TESC: variants seen among roughly 807,000 people sequenced by gnomAD.
TESC encodes the protein tescalcin.
A neutral mutation model predicts 31.0 loss-of-function variants in TESC; 19 were observed. The ratio of observed to expected loss-of-function variants is 0.61; its 90% confidence interval spans 0.43 to 0.90. The LOEUF (loss-of-function observed/expected upper bound fraction) is 0.90, where lower values mean the gene tolerates loss of function less well. TESC is among the 40% of genes least tolerant of loss of function. The pLI, the probability that TESC is intolerant of heterozygous loss-of-function variation, is 0.00. For synonymous variants in TESC, 109 were observed against 114.8 expected, an observed-to-expected ratio of 0.95 and a Z score of 0.32; for missense variants, 248 against 303.8, an observed-to-expected ratio of 0.82 and a Z score of 1.36.
intron 1 of TESC, among the ~76,000 whole-genome samples, chr12:117,096,781 T>C (rs1955402040): frequency 6.6e-6 from 1 of 152,212 alleles, no homozygotes; most frequent in Non-Finnish European, 1.5e-5. Flanking sequence ...GCCTGAGCCC[T>C]GACGACAGCT....
At chr12:117,056,692 TGGC>T in intron 3 of TESC, 111 bp downstream of exon 3, 1 of 1,144,242 alleles carries the variant, frequency 8.7e-7, no homozygotes, top group Middle Eastern at 2.5e-4. Context: ...CTACCCAGCT[TGGC>T]CCCCTCTTCT....
At chr12:117,054,121 A>T (rs1465958543) in intron 3 of TESC, 26 of 152,038 alleles carry the variant, frequency 1.7e-4, no homozygotes, top group Admixed American at 1.7e-3. Context: ...CAACTCCCGG[A>T]TCCAACCCTT....
chr12:117,071,156 G>C (rs938305218), intron 2 of TESC, among the ~76,000 whole-genome samples: 1 of 152,196 alleles, frequency 6.6e-6, no homozygotes, highest in Non-Finnish European at 1.5e-5. Context: ...CGTAGGCCAC[G>C]CTTCCTGCGC....
intron 3 of TESC, among the ~76,000 whole-genome samples, chr12:117,049,857 C>T (rs1954621655): frequency 7.0e-6 from 1 of 142,026 alleles, no homozygotes; most frequent in Non-Finnish European, 1.5e-5. Context: ...GCTGAGATCA[C>T]ACCACTGCAC....
intron 3 of TESC, among the ~76,000 whole-genome samples, chr12:117,055,700 C>G (rs534408173): frequency 1.3e-5 from 2 of 152,324 alleles, no homozygotes; most frequent in East Asian, 3.9e-4. Context: ...CTGTGGGCAG[C>G]TCTCTGGAGG....
intron 2 of TESC, among the ~76,000 whole-genome samples, chr12:117,071,223 A>G (rs1413317150): frequency 6.6e-6 from 1 of 152,134 alleles, no homozygotes; most frequent in African/African-American, 2.4e-5. Context: ...TCTTTCATTC[A>G]TTCATTTATT....
At chr12:117,087,899 G>A (rs977419624) in intron 1 of TESC, among the ~76,000 whole-genome samples, 3 of 152,152 alleles carry the variant, frequency 2.0e-5, no homozygotes, top group African/African-American at 7.2e-5. Flanking sequence ...CAGAGGCTAG[G>A]ACTCAGCCAA....
Position 117,040,106 on chromosome 12 carries a change from G to A in TESC, c.568-896C>T, listed in dbSNP as rs1367615621. On this transcript the variant is annotated intron_variant, in intron 7 of 7. Coordinates refer to ENST00000335209, the MANE Select transcript of TESC (RefSeq NM_017899.4). The stretch of plus-strand genomic sequence containing the variant: ...GGACAGCCACGAGGCTGGTAACGGG[G>A]GAAAGTCAGAGCCCCGTGGGCACCC... 3.3e-5 allele frequency among the ~76,000 whole-genome samples: 5 copies of A among 152,358 alleles called. No individual in the cohort carries two copies. The East Asian group carries it at 7.7e-4, about 24-fold the overall frequency.
chr12:117,056,666 C>T, intron 3 of TESC, 140 bp downstream of exon 3: 4 of 863,116 alleles, frequency 4.6e-6, no homozygotes, highest in South Asian at 1.5e-5. Context: ...CAACCCCAAA[C>T]CTATGCTCAT....
chr12:117,075,858 TA>T (rs2135785391), intron 1 of TESC, among the ~76,000 whole-genome samples: 1 of 56,732 alleles, frequency 1.8e-5, no homozygotes, highest in East Asian at 4.5e-4. Flanking sequence ...TATATATATA[TA>T]TATATATATA....
intron 2 of TESC, among the ~76,000 whole-genome samples, chr12:117,068,806 T>C (rs1390109312): frequency 6.6e-6 from 1 of 152,230 alleles, no homozygotes; most frequent in Non-Finnish European, 1.5e-5. Context: ...CCTGCACCAC[T>C]ACATCTGAAG....
At chr12:117,076,858 A>C (rs1303491782) in intron 1 of TESC, among the ~76,000 whole-genome samples, 2 of 152,234 alleles carry the variant, frequency 1.3e-5, no homozygotes. Flanking sequence ...CCCCAAAGCC[A>C]GCCTTCACCA....
intron 1 of TESC, among the ~76,000 whole-genome samples, chr12:117,085,362 G>A (rs890719523): frequency 1.3e-5 from 2 of 152,198 alleles, no homozygotes; most frequent in East Asian, 1.9e-4. Flanking sequence ...AATAGACAGC[G>A]TGGGTGTGGA....
chr12:117,043,724 C>T lies in TESC; in HGVS notation c.520-1730G>A, dbSNP rs1046397331. Among the ~76,000 whole-genome samples, 4 of 152,148 alleles carry T rather than the reference C, an allele frequency of 2.6e-5. No homozygotes were observed. In the East Asian group the frequency reaches 7.7e-4, roughly 29 times the overall value. ...CAAGCAATCCAACCGCCTGGGGCTC[C>T]CAAAGTGCTGGGATTACAGGTGTGA... On this transcript the variant is annotated intron_variant, in intron 6 of 7. Transcript: ENST00000335209.
rs144808559 is a variant in TESC at position 117,092,441 on chromosome 12, G to A, written c.58+6784C>T. The stretch of plus-strand genomic sequence containing the variant: ...CAGCCCTGTGGGAAGCTTCCACAGC[G>A]GGCATTCTCCTGCAAGTTTCCCCTG... On this transcript the variant is annotated intron_variant, in intron 1 of 7. Coordinates refer to ENST00000335209, the MANE Select transcript of TESC (RefSeq NM_017899.4). Among the ~76,000 whole-genome samples the A allele has an allele frequency of 2.6e-3, 400 of 152,340 alleles. 14 individuals carry two copies. The East Asian group carries it at 0.057, about 22-fold the overall frequency.
At chr12:117,070,815 C>CA (rs1026539854) in intron 2 of TESC, among the ~76,000 whole-genome samples, 5 of 151,954 alleles carry the variant, frequency 3.3e-5, no homozygotes, top group Admixed American at 1.3e-4. Context: ...TACAAAAATA[C>CA]AAAAAATGAG....
intron 4 of TESC, 153 bp downstream of exon 4, chr12:117,048,866 C>T (rs748003825): frequency 1.1e-4 from 132 of 1,224,774 alleles, no homozygotes; most frequent in Non-Finnish European, 1.3e-4. Flanking sequence ...CAATGCCAGC[C>T]TCACAGGGAC....
intron 6 of TESC, among the ~76,000 whole-genome samples, chr12:117,044,931 C>T (rs1200017244): frequency 6.6e-6 from 1 of 152,036 alleles, no homozygotes; most frequent in East Asian, 1.9e-4. Flanking sequence ...AGAGACAGAT[C>T]CGCCTCAGTC....
intron 2 of TESC, among the ~76,000 whole-genome samples, chr12:117,068,108 C>T (rs1043306812): frequency 2.6e-5 from 4 of 152,096 alleles, no homozygotes; most frequent in African/African-American, 7.2e-5. Context: ...TGCCCAGGCT[C>T]GTCCCAAACT....
Sources: allele counts gnomAD v4.1 joint callset (sites outside exome capture counted in the v4.1 genomes callset), GRCh38; gene constraint gnomAD v4.1.1; transcripts MANE v1.5; gene names NCBI Gene and HGNC (gene_info 2026-07-23, HGNC 2026-07-21).